The following CMKLR2 variants were observed in gnomAD, a reference collection of about 807,000 sequenced individuals.
The protein encoded by CMKLR2 is chemerin chemokine-like receptor 2.
CMKLR2 carries 18 observed loss-of-function variants against 23.0 expected under a neutral mutation model. The ratio of observed to expected loss-of-function variants is 0.78; its 90% CI spans 0.54 to 1.16. The LOEUF is 1.16. Ranked by LOEUF, CMKLR2 falls within the 50% of genes most tolerant of loss-of-function variation. CMKLR2 has a pLI of 0.00. For synonymous variants in CMKLR2, 158 were observed against 158.9 expected (o/e 0.99, Z 0.05); for missense variants, 401 against 412.7 (o/e 0.97, Z 0.25).
chr2:206,211,522 T>C (rs538061263), intron 1 of CMKLR2, among the ~76,000 whole-genome samples: 8 of 151,966 alleles, frequency 5.3e-5, no homozygotes, highest in African/African-American at 1.7e-4. Context: ...ACAGAGTCTC[T>C]ACTAAAGGCT....
upstream of CMKLR2, chr2:206,217,248 A>C (rs1010842593): frequency 1.3e-5 from 2 of 152,168 alleles, no homozygotes; most frequent in Non-Finnish European, 2.9e-5. Flanking sequence ...TGCCTTTCTT[A>C]GGGCTGGCTC....
intron 1 of CMKLR2, among the ~76,000 whole-genome samples, chr2:206,183,313 C>A (rs533811499): frequency 6.6e-6 from 1 of 152,296 alleles, no homozygotes; most frequent in South Asian, 2.1e-4. Flanking sequence ...TAACCACTAT[C>A]CTCACCAAAA....
chr2:206,212,747 T>C (rs909291106), intron 1 of CMKLR2, among the ~76,000 whole-genome samples: 1 of 152,146 alleles, frequency 6.6e-6, no homozygotes, highest in Non-Finnish European at 1.5e-5. Context: ...AACAAACAAA[T>C]GGGAAGGCCC....
chr2:206,180,063 C>T (rs1688362503), intron 1 of CMKLR2, among the ~76,000 whole-genome samples: 1 of 151,984 alleles, frequency 6.6e-6, no homozygotes, highest in Non-Finnish European at 1.5e-5. Context: ...TCAAATGCCA[C>T]CTTTCTTAGA....
intron 1 of CMKLR2, among the ~76,000 whole-genome samples, chr2:206,181,592 G>A (rs13391120): frequency 3.9e-5 from 6 of 152,224 alleles, no homozygotes; most frequent in African/African-American, 1.4e-4. Context: ...CACATATTTT[G>A]TATGTTTTAT....
intron 1 of CMKLR2, among the ~76,000 whole-genome samples, chr2:206,181,167 C>T (rs1255289729): frequency 6.6e-6 from 1 of 152,036 alleles, no homozygotes; most frequent in Non-Finnish European, 1.5e-5. Context: ...AAGTGATTCT[C>T]CTCCCTCAGC....
intron 1 of CMKLR2, among the ~76,000 whole-genome samples, chr2:206,185,127 C>T (rs1688540037): frequency 6.6e-6 from 1 of 152,132 alleles, no homozygotes; most frequent in South Asian, 2.1e-4. Context: ...GCTGGGATTA[C>T]AGGCGTGAGC....
intron 1 of CMKLR2, among the ~76,000 whole-genome samples, chr2:206,187,843 G>T (rs1267776465): frequency 6.6e-6 from 1 of 152,158 alleles, no homozygotes; most frequent in Non-Finnish European, 1.5e-5. Flanking sequence ...GCAATAGAAA[G>T]AAGCTGTGGT....
chr2:206,209,372 T>C (rs1403250406), intron 1 of CMKLR2, among the ~76,000 whole-genome samples: 3 of 152,012 alleles, frequency 2.0e-5, no homozygotes, highest in African/African-American at 7.2e-5. Flanking sequence ...TGTTGTTGTT[T>C]GTTTTTTCAA....
intron 1 of CMKLR2, among the ~76,000 whole-genome samples, chr2:206,211,970 T>G (rs528542975): frequency 1.0e-3 from 158 of 152,120 alleles, no homozygotes; most frequent in Non-Finnish European, 1.9e-3. Context: ...AAATTAAATT[T>G]TGTTTTCTCT....
chr2:206,183,332 C>T (rs1688474883), intron 1 of CMKLR2, among the ~76,000 whole-genome samples: 1 of 152,176 alleles, frequency 6.6e-6, no homozygotes, highest in African/African-American at 2.4e-5. Flanking sequence ...AAGTCAGGAG[C>T]CTCCCCTTCC....
rs115999966 is a variant in CMKLR2, at chr2:206,201,828, C to T, written c.-29+11479G>A. Among the ~76,000 whole-genome samples, 1,094 of 152,068 alleles carry T rather than the reference C, an allele frequency of 7.2e-3. 20 individuals carry two copies. Among genetic ancestry groups the T allele is most frequent in the African/African-American group, 0.025 (1,040 of 41,452 alleles). ...GAAATATGTCCAGAGGAGAGGGAAC[C>T]GGATGGAGAGAAACTATATCATGTG... On this transcript the variant is annotated intron_variant, in intron 1 of 1. Coordinates refer to ENST00000621141, the MANE Select transcript of CMKLR2 (RefSeq NM_001389445.1).
At position 206,176,858 on chromosome 2, in the gene CMKLR2, C is replaced by A; in HGVS notation, c.390G>T (p.Val130=). Residue 130 remains valine, a synonymous_variant, in exon 2 of 2, where the codon GTG becomes GTT. Transcript: ENST00000621141. The part of the protein sequence containing the change: ...NMFASVFFLT[V]ISLDHYIHLI... ...AGTGGATATAGTGGTCCAGGCTGAT[C>A]ACTGTCAGGAAAAAAACACTGGCAA... The A allele has an allele frequency of 6.2e-7, 1 of 1,614,124 alleles. No homozygotes were observed. Among genetic ancestry groups the A allele is most frequent in the South Asian group, 1.1e-5 (1 of 91,084 alleles).
At chr2:206,195,577 A>G (rs1559091458) in intron 1 of CMKLR2, among the ~76,000 whole-genome samples, 1 of 152,206 alleles carries the variant, frequency 6.6e-6, no homozygotes, top group African/African-American at 2.4e-5. Context: ...GCAAGACTCT[A>G]TGATAATGGA....
intron 1 of CMKLR2, among the ~76,000 whole-genome samples, chr2:206,210,922 A>G (rs1457781128): frequency 6.6e-6 from 1 of 152,318 alleles, no homozygotes; most frequent in South Asian, 2.1e-4. Flanking sequence ...AATTAAGGAT[A>G]TCATATCTAT....
At chr2:206,211,785 A>G (rs1224883831) in intron 1 of CMKLR2, among the ~76,000 whole-genome samples, 1 of 149,934 alleles carries the variant, frequency 6.7e-6, no homozygotes, top group African/African-American at 2.4e-5. Context: ...AAAGAAAAAA[A>G]GATGGCATAT....
At chr2:206,205,730 G>T (rs563988857) in intron 1 of CMKLR2, among the ~76,000 whole-genome samples, 2 of 151,424 alleles carry the variant, frequency 1.3e-5, no homozygotes, top group African/African-American at 4.9e-5. Context: ...ATGGAGTTTC[G>T]CTCTTGTTGC....
At chr2:206,190,845 A>G (rs1688726712) in intron 1 of CMKLR2, among the ~76,000 whole-genome samples, 1 of 152,192 alleles carries the variant, frequency 6.6e-6, no homozygotes, top group African/African-American at 2.4e-5. Flanking sequence ...GTCAGCCCCC[A>G]TGCTTCACTT....
In CMKLR2 at chr2:206,200,355, G is replaced by A. The variant is rs754010578; in HGVS notation, c.-29+12952C>T. Among the ~76,000 whole-genome samples the A allele has an allele frequency of 8.5e-5, 13 of 152,140 alleles. 1 individual carries two copies. Among genetic ancestry groups the A allele is most frequent in the Admixed American group, 1.3e-4 (2 of 15,262 alleles). ...GGAGAATCACTTGAACCTGGGAGGCGGAGGATGCGGTGAGCCGAGATGGCG... is the reference window on the plus strand; with the variant it reads ...GGAGAATCACTTGAACCTGGGAGGCAGAGGATGCGGTGAGCCGAGATGGCG... On this transcript the variant is annotated intron_variant, in intron 1 of 1. Transcript: ENST00000621141.
Sources: allele counts gnomAD v4.1 joint callset (sites outside exome capture counted in the v4.1 genomes callset), GRCh38; gene constraint gnomAD v4.1.1; transcripts MANE v1.5; gene names NCBI Gene and HGNC (gene_info 2026-07-23, HGNC 2026-07-21).